NRG3: variants seen among roughly 807,000 people sequenced by gnomAD.
The protein encoded by NRG3 is neuregulin 3.
NRG3 carries 31 observed loss-of-function variants against 66.9 expected under a neutral mutation model. The observed-to-expected ratio is 0.46, with a 90% CI of 0.35 to 0.63. The LOEUF (loss-of-function observed/expected upper bound fraction) is 0.63. Ranked by LOEUF, NRG3 falls within the 20% of genes least tolerant of loss-of-function variation. The pLI is 0.00. For synonymous variants in NRG3, 393 were observed against 359.4 expected (o/e 1.09, Z -1.06); for missense variants, 910 against 878.9 (o/e 1.04, Z -0.45).
intron 6 of NRG3, among the ~76,000 whole-genome samples, chr10:82,970,305 CTATT>C (rs937586630): frequency 2.0e-5 from 3 of 152,030 alleles, no homozygotes; most frequent in African/African-American, 2.4e-5. Context: ...TTAAATTTCT[CTATT>C]TATTTTAAAG....
intron 2 of NRG3, among the ~76,000 whole-genome samples, chr10:82,718,404 G>T (rs2057103126): frequency 6.6e-6 from 1 of 152,164 alleles, no homozygotes; most frequent in South Asian, 2.1e-4. Context: ...GAGGTTCAAT[G>T]TCTACTTCTT....
At chr10:82,423,602 G>A (rs559993776) in intron 2 of NRG3, among the ~76,000 whole-genome samples, 2 of 151,910 alleles carry the variant, frequency 1.3e-5, no homozygotes, top group South Asian at 2.1e-4. Context: ...CATTATGAAA[G>A]TTTCATGAAA....
intron 6 of NRG3, among the ~76,000 whole-genome samples, chr10:82,965,716 A>C (rs1851145742): frequency 6.6e-6 from 1 of 152,140 alleles, no homozygotes; most frequent in African/African-American, 2.4e-5. Context: ...AGCCTGGGCA[A>C]CAGAGTAAGA....
At chr10:82,868,005 CAG>C (rs934472395) in intron 4 of NRG3, among the ~76,000 whole-genome samples, 9 of 152,286 alleles carry the variant, frequency 5.9e-5, no homozygotes, top group African/African-American at 2.2e-4. Flanking sequence ...ATTGCAGGCT[CAG>C]TGAGGCTTTA....
chr10:82,085,673 G>A lies in NRG3; in HGVS notation c.823+209510G>A, dbSNP rs181127970. The stretch of plus-strand genomic sequence containing the variant: ...CTTTTTGAGATGGAGTTTCATTCTT[G>A]TTGCCCAGGCTGGAGTGCAATGGTG... On this transcript the variant is annotated intron_variant, in intron 1 of 8. Coordinates refer to ENST00000372141, the MANE Select transcript of NRG3 (RefSeq NM_001010848.4). 6.6e-5 allele frequency among the ~76,000 whole-genome samples: 10 copies of A among 151,534 alleles called. No homozygotes were observed. The East Asian group carries it at 1.9e-3, about 29-fold the overall frequency.
chr10:82,761,701 A>G (rs2059308964), intron 3 of NRG3, among the ~76,000 whole-genome samples: 3 of 151,970 alleles, frequency 2.0e-5, no homozygotes, highest in Admixed American at 1.3e-4. Context: ...GAAATAAATC[A>G]GTTTGGCTTG....
At chr10:82,945,544 A>G (rs182814939) in intron 4 of NRG3, among the ~76,000 whole-genome samples, 1 of 152,320 alleles carries the variant, frequency 6.6e-6, no homozygotes, top group Non-Finnish European at 1.5e-5. Flanking sequence ...GGGCAGTTCT[A>G]TGGCAGAAGG....
chr10:82,630,218 C>A (rs1024354998), intron 2 of NRG3, among the ~76,000 whole-genome samples: 3 of 151,642 alleles, frequency 2.0e-5, no homozygotes, highest in Admixed American at 6.6e-5. Flanking sequence ...AAATGGGAGG[C>A]GCCAAAGAGT....
At chr10:82,594,866 G>C (rs1375301937) in intron 2 of NRG3, among the ~76,000 whole-genome samples, 2 of 151,202 alleles carry the variant, frequency 1.3e-5, no homozygotes, top group Non-Finnish European at 1.5e-5. Flanking sequence ...ACCCTACCAT[G>C]GTATCATGGT....
intron 3 of NRG3, among the ~76,000 whole-genome samples, chr10:82,853,811 CT>C (rs2063679353): frequency 6.6e-6 from 1 of 152,108 alleles, no homozygotes; most frequent in Admixed American, 6.6e-5. Flanking sequence ...TCTGATTGCT[CT>C]GGTTAGGACT....
chr10:82,777,348 T>G (rs2059949432), intron 3 of NRG3, among the ~76,000 whole-genome samples: 1 of 152,162 alleles, frequency 6.6e-6, no homozygotes, highest in Non-Finnish European at 1.5e-5. Flanking sequence ...GGATCCCTCT[T>G]GCTGTCTGGT....
At chr10:82,379,210 C>T (rs2085452261) in intron 2 of NRG3, among the ~76,000 whole-genome samples, 2 of 152,130 alleles carry the variant, frequency 1.3e-5, no homozygotes, top group South Asian at 4.1e-4. Context: ...GTGACTCTCA[C>T]TTCAAGCTCA....
chr10:82,728,430 A>T (rs1268953415), intron 2 of NRG3, among the ~76,000 whole-genome samples: 2 of 152,176 alleles, frequency 1.3e-5, no homozygotes, highest in Non-Finnish European at 2.9e-5. Context: ...CCGATGGTTT[A>T]AAAATGGGAG....
intron 2 of NRG3, among the ~76,000 whole-genome samples, chr10:82,539,767 G>A (rs566870606): frequency 1.5e-4 from 23 of 152,060 alleles, no homozygotes; most frequent in African/African-American, 5.1e-4. Context: ...CGAGTAGCTG[G>A]GATTACAGGT....
intron 5 of NRG3, among the ~76,000 whole-genome samples, chr10:82,957,773 A>G (rs1303631845): frequency 6.7e-6 from 1 of 149,886 alleles, no homozygotes; most frequent in African/African-American, 2.5e-5. Flanking sequence ...CTGTCTTCCT[A>G]GTGATAAAAC....
intron 1 of NRG3, among the ~76,000 whole-genome samples, chr10:82,117,000 T>C (rs973688664): frequency 1.3e-5 from 2 of 152,238 alleles, no homozygotes; most frequent in Admixed American, 1.3e-4. Flanking sequence ...AGCTGCTGAC[T>C]GGCCCCCAAT....
chr10:82,325,268 A>G (rs1398274472), intron 1 of NRG3, among the ~76,000 whole-genome samples: 1 of 151,614 alleles, frequency 6.6e-6, no homozygotes, highest in Non-Finnish European at 1.5e-5. Flanking sequence ...TGCAGCCTCA[A>G]TCTCCTGGGC....
chr10:82,300,553 A>G (rs1361474518), intron 1 of NRG3, among the ~76,000 whole-genome samples: 1 of 152,188 alleles, frequency 6.6e-6, no homozygotes, highest in East Asian at 1.9e-4. Context: ...TTCGAGGCAT[A>G]GCTAAGAAAA....
intron 2 of NRG3, among the ~76,000 whole-genome samples, chr10:82,706,986 T>G (rs1049349411): frequency 2.2e-5 from 3 of 136,024 alleles, no homozygotes; most frequent in African/African-American, 8.5e-5. Context: ...AGAGTAAGAC[T>G]CCATCTCAAA....
Sources: allele counts gnomAD v4.1 joint callset (sites outside exome capture counted in the v4.1 genomes callset), GRCh38; gene constraint gnomAD v4.1.1; transcripts MANE v1.5; gene names NCBI Gene and HGNC (gene_info 2026-07-23, HGNC 2026-07-21).